The following CLIC2 variants were observed in gnomAD, a reference collection of about 807,000 sequenced individuals.
CLIC2 encodes the protein chloride intracellular channel protein 2.
Under a neutral mutation model 14.8 loss-of-function variants are expected in CLIC2, and 9 were observed. That is an observed-to-expected ratio of 0.61 (90% CI 0.37 to 1.06). The LOEUF (loss-of-function observed/expected upper bound fraction) is 1.06, where lower values mean the gene tolerates loss of function less well. CLIC2 is among the 50% of genes least tolerant of loss of function. The pLI, the probability that CLIC2 is intolerant of heterozygous loss-of-function variation, is 0.01. For synonymous variants in CLIC2, 61 were observed against 66.3 expected, an observed-to-expected ratio of 0.92 and a Z score of 0.39; for missense variants, 148 against 181.4, an observed-to-expected ratio of 0.82 and a Z score of 1.06.
At chrX:155,327,946 A>T (rs1340890514) in intron 1 of CLIC2, among the ~76,000 whole-genome samples, 4 of 111,578 alleles carry the variant, frequency 3.6e-5, no homozygotes, top group Non-Finnish European at 7.6e-5. Context: ...AAAGCATTTG[A>T]TAATATTAAA....
In CLIC2 at chrX:155,323,949, T is replaced by A. The variant is rs782553307; in HGVS notation, c.57+10422A>T. On this transcript the variant is annotated intron_variant, in intron 1 of 5. Coordinates refer to ENST00000369449, the MANE Select transcript of CLIC2 (RefSeq NM_001289.6). ...ATTGCTACAAAGAGAATAAAATACC[T>A]AGAAATACAACTTACAAGGGATGTG... 3.6e-5 allele frequency among the ~76,000 whole-genome samples: 4 copies of A among 111,960 alleles called. No homozygotes were observed. The South Asian group carries it at 1.1e-3, about 31-fold the overall frequency.
At position 155,334,395 on chromosome X, in the gene CLIC2, G is replaced by A. The variant is rs782443273; in HGVS notation, c.33C>T (p.Asp11=). 5.2e-5 allele frequency: 63 copies of A among 1,206,898 alleles called. No homozygotes were observed. Among genetic ancestry groups the A allele is most frequent in the Non-Finnish European group, 6.9e-5 (62 of 892,420 alleles). The stretch of plus-strand genomic sequence containing the variant: ...CCTTTACAAAAAGCTCAATCTCAGG[G>A]TCCACTTGAGTGCCGGGCCGCAGGC... MSGLRPGTQV[D]PEIELFVKAG... The change falls in exon 1 of 6, where the codon GAC becomes GAT. Residue 11 remains aspartate, a synonymous_variant. Coordinates refer to ENST00000369449, the MANE Select transcript of CLIC2 (RefSeq NM_001289.6).
intron 1 of CLIC2, among the ~76,000 whole-genome samples, chrX:155,305,057 G>A (rs1352344490): frequency 1.8e-5 from 2 of 112,242 alleles, no homozygotes; most frequent in Non-Finnish European, 3.8e-5. Flanking sequence ...TGCCCCCAGA[G>A]GTGGAGCCTA....
chrX:155,291,472 T>G, intron 3 of CLIC2: 1 of 396,815 alleles, frequency 2.5e-6, no homozygotes, highest in Non-Finnish European at 4.6e-6. Context: ...CAGGGATAGT[T>G]TGACTTTCTA....
intron 3 of CLIC2, among the ~76,000 whole-genome samples, chrX:155,289,844 C>T (rs181826095): frequency 1.3e-3 from 140 of 111,988 alleles, no homozygotes; most frequent in Middle Eastern, 4.6e-3. Context: ...AGCACTATTT[C>T]TAAAAGTTGC....
rs1460151858 is a variant in CLIC2 at position 155,303,168 on chromosome X, T to C, written c.58-4023A>G. Reference sequence around the variant, plus strand: ...TTCTGTCTCGTTGATCTGTCTAATGTTGACAGTGGGGTGTTAAAGTCTCCC... The same window carrying C: ...TTCTGTCTCGTTGATCTGTCTAATGCTGACAGTGGGGTGTTAAAGTCTCCC... On this transcript the variant is annotated intron_variant, in intron 1 of 5. Transcript: ENST00000369449. 3.3e-3 allele frequency among the ~76,000 whole-genome samples: 293 copies of C among 87,926 alleles called. 9 individuals are homozygous for C. In the Admixed American group the frequency reaches 0.036, roughly 11 times the overall value. The allele number at this position is 87,926 out of a possible 115,157, so 76.4% of individuals were successfully genotyped here.
In CLIC2 at chrX:155,299,125, A is replaced by G. The variant is rs1254217024; in HGVS notation, c.78T>C (p.Ser26=). Residue 26 remains serine (S), a synonymous_variant, in exon 2 of 6, where the codon AGT becomes AGC. Transcript: ENST00000369449. ...GTTGGCAAAAGGGACAGTTTCCAAT[A>G]CTCTCTCCATCACTTCCAGCCTATT... is the stretch of plus-strand genomic sequence containing the variant. The part of the protein sequence containing the change: ...LFVKAGSDGE[S]IGNCPFCQRL... The G allele has an allele frequency of 8.3e-7, 1 of 1,201,386 alleles. No homozygotes were observed. Among genetic ancestry groups the G allele is most frequent in the Non-Finnish European group, 1.1e-6 (1 of 888,153 alleles).
chrX:155,320,655 C>T (rs1557321515), intron 1 of CLIC2, among the ~76,000 whole-genome samples: 1 of 111,722 alleles, frequency 9.0e-6, no homozygotes, highest in Non-Finnish European at 1.9e-5. Context: ...TGCCTCTTCT[C>T]CTCCAAAGTA....
intron 3 of CLIC2, among the ~76,000 whole-genome samples, chrX:155,288,561 CA>C (rs1557317299): frequency 9.0e-6 from 1 of 111,674 alleles, no homozygotes; most frequent in Non-Finnish European, 1.9e-5. Flanking sequence ...CTATGGTCTG[CA>C]ACACAGCTCC....
intron 3 of CLIC2, among the ~76,000 whole-genome samples, chrX:155,297,884 A>AAAAAAAAAAAAAAAAAAG (rs1557318527): frequency 0.022 from 999 of 45,195 alleles, 318 homozygotes; most frequent in East Asian, 0.053. Flanking sequence ...AAAAAAAAAA[A>AAAAAAAAAAAAAAAAAAG]AAGAAGGTGA....
In CLIC2 at chrX:155,308,247, T is replaced by A. The variant is rs1247185788; in HGVS notation, c.58-9102A>T. ...AAAGAATCGAGTGGAAATTCTGGAG[T>A]TGAAAAATGTAACTGACATACCGAA... On this transcript the variant is annotated intron_variant, in intron 1 of 5. Transcript: ENST00000369449. Among the ~76,000 whole-genome samples the A allele has an allele frequency of 2.8e-5, 3 of 108,648 alleles. No homozygotes were observed. The East Asian group carries it at 8.7e-4, about 32-fold the overall frequency. The allele number at this position is 108,648 out of a possible 115,157, so 94.3% of individuals were successfully genotyped here. A position where few individuals can be genotyped will look rare whatever the true frequency, so the allele number is the denominator to read the frequency against.
intron 1 of CLIC2, among the ~76,000 whole-genome samples, chrX:155,321,554 C>G (rs1557321637): frequency 8.9e-6 from 1 of 112,629 alleles, no homozygotes; most frequent in Non-Finnish European, 1.9e-5. Context: ...TTCAAGAGCT[C>G]CAGAAAGAAG....
rs781929438 is a variant in CLIC2 at position 155,277,236 on chromosome X, AT to A, written c.*666del. 54 of 111,667 alleles carry A rather than the reference AT, an allele frequency of 4.8e-4. No individual in the cohort carries two copies. The highest frequency in any genetic ancestry group is 8.9e-4 in the Non-Finnish European group (47 of 53,047). The allele number at this position is 111,667 out of a possible 1,213,427, so 9.2% of individuals were successfully genotyped here. On this transcript the variant is annotated 3_prime_UTR_variant, in exon 6 of 6. Coordinates refer to ENST00000369449, the MANE Select transcript of CLIC2 (RefSeq NM_001289.6). ...AGATTCAGTTGACTTTGTTTCTTAT[AT>A]TGTTTTTTAAAATTATGTTTTATTT...
intron 3 of CLIC2, among the ~76,000 whole-genome samples, chrX:155,293,885 A>C (rs1438751422): frequency 8.9e-6 from 1 of 112,100 alleles, no homozygotes; most frequent in Non-Finnish European, 1.9e-5. Context: ...ATATGCACCC[A>C]ATACTGGAGC....
At chrX:155,286,372 GTC>G (rs1279526459) in intron 3 of CLIC2, among the ~76,000 whole-genome samples, 13 of 112,045 alleles carry the variant, frequency 1.2e-4, no homozygotes, top group Non-Finnish European at 2.4e-4. Flanking sequence ...TCTTTATTCA[GTC>G]TGTCATTGAT....
At chrX:155,305,261 GGTGCGGGATATGTGGTGCGCCGT>G (rs2075049010) in intron 1 of CLIC2, among the ~76,000 whole-genome samples, 1 of 112,406 alleles carries the variant, frequency 8.9e-6, no homozygotes, top group Non-Finnish European at 1.9e-5. Flanking sequence ...CTCCGAGCCA[GGTGCGGGATATGTGGTGCGCCGT>G]TTTTTAAGCC....
Position 155,279,203 on chromosome X carries a change from C to T in CLIC2, c.528G>A (p.Gly176=), listed in dbSNP as rs782718142. 4.1e-6 allele frequency: 5 copies of T among 1,208,456 alleles called. No individual in the cohort carries two copies. The Admixed American group carries it at 1.1e-4, about 26-fold the overall frequency. ...TACAATCAGCCAGTGTTAGCTGGTCCCCATCCAAGAATAGTCTTCTGGAAA... is the reference window on the plus strand; with the variant it reads ...TACAATCAGCCAGTGTTAGCTGGTCTCCATCCAAGAATAGTCTTCTGGAAA... ...PPVSRRLFLD[G]DQLTLADCSL... is the part of the protein sequence containing the mutation. Residue 176 remains glycine (G), a synonymous_variant, in exon 5 of 6, where the codon GGG becomes GGA. Transcript: ENST00000369449.
At chrX:155,331,264 C>G (rs930009109) in intron 1 of CLIC2, among the ~76,000 whole-genome samples, 1 of 110,657 alleles carries the variant, frequency 9.0e-6, no homozygotes, top group Non-Finnish European at 1.9e-5. Context: ...AATCAAAACA[C>G]TGAGGTGTGG....
At chrX:155,300,477 G>C (rs1463469443) in intron 1 of CLIC2, among the ~76,000 whole-genome samples, 1 of 111,366 alleles carries the variant, frequency 9.0e-6, no homozygotes, top group Non-Finnish European at 1.9e-5. Flanking sequence ...CTGGATATTA[G>C]CCCTTTGTCA....
Sources: gnomAD v4.1 joint callset for allele counts (sites outside exome capture counted in the v4.1 genomes callset) on GRCh38, gnomAD v4.1.1 for gene constraint, MANE v1.5 for transcripts, NCBI Gene and HGNC (gene_info 2026-07-23, HGNC 2026-07-21) for gene names.